RAD50: variants seen among roughly 807,000 people sequenced by gnomAD.
RAD50 encodes DNA repair protein RAD50.
A neutral mutation model predicts 168.8 loss-of-function variants in RAD50; 132 were observed. The ratio of observed to expected loss-of-function variants is 0.78; its 90% CI spans 0.68 to 0.90. RAD50 has a LOEUF of 0.90. Ranked by LOEUF, RAD50 falls within the 40% of genes least tolerant of loss-of-function variation. RAD50 has a pLI of 0.00. For synonymous variants in RAD50, 525 were observed against 497.4 expected (o/e 1.06, Z -0.74); for missense variants, 1,347 against 1,534.4 (o/e 0.88, Z 2.04).
intron 21 of RAD50, among the ~76,000 whole-genome samples, chr5:132,633,407 C>G (rs1751512765): frequency 1.3e-5 from 2 of 151,964 alleles, no homozygotes; most frequent in Admixed American, 6.6e-5. Flanking sequence ...ACCCAGCTGC[C>G]TCAGCTTTCT....
rs786203655 is a variant in RAD50, at chr5:132,588,834, T to TGA, written c.1208_1209dup (p.Gln404AspfsTer12). ...CAGATTAAAAATTTTCACAAACTTGTGAGAGAGAGACAAGAAGGGGAAGCA... is the reference window on the plus strand; with the variant it reads ...CAGATTAAAAATTTTCACAAACTTGTGAGAGAGAGAGACAAGAAGGGGAAGCA... On this transcript the variant is annotated frameshift_variant, in exon 8 of 25. Transcript: ENST00000378823. LOFTEE classifies it high-confidence loss of function. 1 of 1,613,978 alleles carries TGA rather than the reference T, an allele frequency of 6.2e-7. No homozygotes were observed. The highest frequency in any genetic ancestry group is 8.5e-7 in the Non-Finnish European group (1 of 1,179,930).
chr5:132,587,616 GAAATT>G lies in RAD50; in HGVS notation c.815_819del (p.Ile272SerfsTer4), dbSNP rs1444604511. 1.9e-6 allele frequency: 3 copies of G among 1,613,536 alleles called. No homozygotes were observed. Among genetic ancestry groups the G allele is most frequent in the Non-Finnish European group, 2.5e-6 (3 of 1,179,832 alleles). ...CTCTAAAATAATGAAACTTGACAAT[GAAATT>G]AAAGCCTTGGATAGCCGAAAGAAGC... On this transcript the variant is annotated frameshift_variant, in exon 6 of 25. Transcript: ENST00000378823. LOFTEE classifies it high-confidence loss of function.
At chr5:132,577,550 A>C (rs942602018) in intron 3 of RAD50, among the ~76,000 whole-genome samples, 5 of 152,208 alleles carry the variant, frequency 3.3e-5, no homozygotes, top group Admixed American at 6.5e-5. Context: ...TCCATGATAC[A>C]ATACTGTTCT....
At chr5:132,619,819 T>TACTC (rs1751246096) in intron 21 of RAD50, among the ~76,000 whole-genome samples, 9 of 116,388 alleles carry the variant, frequency 7.7e-5, no homozygotes, top group African/African-American at 4.2e-4. Context: ...TCTACTCCTC[T>TACTC]CTCTCTCTCT....
chr5:132,577,802 ATTTT>A lies in RAD50; in HGVS notation c.366-1492_366-1489del, dbSNP rs923754085. On this transcript the variant is annotated intron_variant, in intron 3 of 24. Coordinates refer to ENST00000378823, the MANE Select transcript of RAD50 (RefSeq NM_005732.4). ...ACCCAGACCTATTTACCCATTTCTGATTTTTTTTTTTTTTTTTTTTTTTTTTGAG... is the reference window on the plus strand; with the variant it reads ...ACCCAGACCTATTTACCCATTTCTGATTTTTTTTTTTTTTTTTTTTTTGAG... Among the ~76,000 whole-genome samples, 266 of 84,370 alleles carry A rather than the reference ATTTT, an allele frequency of 3.2e-3. 1 individual carries two copies. Among genetic ancestry groups the A allele is most frequent in the African/African-American group, 0.013 (221 of 16,910 alleles). The allele number at this position is 84,370 out of a possible 152,430, so 55.3% of individuals were successfully genotyped here.
chr5:132,643,987 T>C lies in RAD50; in HGVS notation c.*1623T>C. On this transcript the variant is annotated 3_prime_UTR_variant, in exon 25 of 25. Transcript: ENST00000378823. Reference sequence around the variant, plus strand: ...AGTTTTGCAAATAATATTTTCTTAATGTTATCTGTTGCTAAATCAAAATTA... The same window carrying C: ...AGTTTTGCAAATAATATTTTCTTAACGTTATCTGTTGCTAAATCAAAATTA... The C allele has an allele frequency of 4.4e-6, 1 of 225,474 alleles. No homozygotes were observed. 14.0% of individuals were successfully genotyped at this position (225,474 alleles called of 1,614,324 possible). A position where few individuals can be genotyped will look rare whatever the true frequency, so the allele number is the denominator to read the frequency against.
chr5:132,640,854 G>A, intron 24 of RAD50, 49 bp downstream of exon 24: 15 of 1,611,722 alleles, frequency 9.3e-6, no homozygotes, highest in Non-Finnish European at 1.3e-5. Flanking sequence ...CTCACATTTG[G>A]GGACAGGTTG....
intron 24 of RAD50, 61 bp downstream of exon 24, chr5:132,640,866 G>A: frequency 6.2e-7 from 1 of 1,609,404 alleles, no homozygotes; most frequent in Non-Finnish European, 8.5e-7. Flanking sequence ...GACAGGTTGT[G>A]ATAGTTCTTC....
intron 21 of RAD50, among the ~76,000 whole-genome samples, chr5:132,632,172 C>T (rs1028506088): frequency 7.2e-5 from 11 of 152,166 alleles, no homozygotes; most frequent in African/African-American, 2.4e-4. Flanking sequence ...TAAGCCCTTC[C>T]CAAACATATG....
intron 19 of RAD50, among the ~76,000 whole-genome samples, chr5:132,611,655 G>A (rs1041491844): frequency 2.0e-5 from 3 of 146,828 alleles, no homozygotes; most frequent in African/African-American, 7.6e-5. Context: ...GCAGTGAGCC[G>A]AGATCGCACC....
chr5:132,596,426 T>C (rs1304867564), intron 13 of RAD50, among the ~76,000 whole-genome samples: 1 of 152,238 alleles, frequency 6.6e-6, no homozygotes. Flanking sequence ...CATGCCACTT[T>C]CTGAACCCAG....
chr5:132,591,833 G>A lies in RAD50; in HGVS notation c.1636-44G>A, dbSNP rs974688605. The stretch of plus-strand genomic sequence containing the variant: ...TTATTTTTGTTCTTGATATAATGTG[G>A]AGATATAGACTTTATTTTTAAAAGA... On this transcript the variant is annotated intron_variant, in intron 10 of 24. Coordinates refer to ENST00000378823, the MANE Select transcript of RAD50 (RefSeq NM_005732.4). 7 of 1,402,204 alleles carry A rather than the reference G, an allele frequency of 5.0e-6. No homozygotes were observed. The African/African-American group carries it at 1.0e-4, about 20-fold the overall frequency. The allele number at this position is 1,402,204 out of a possible 1,614,324, so 86.9% of individuals were successfully genotyped here. A position where few individuals can be genotyped will look rare whatever the true frequency, so the allele number is the denominator to read the frequency against.
intron 2 of RAD50, 139 bp from the exon 3 acceptor site, chr5:132,575,638 G>A: frequency 2.6e-6 from 2 of 758,404 alleles, no homozygotes; most frequent in Admixed American, 2.2e-5. Context: ...ATTTTGGATA[G>A]CATGTAAAAA....
chr5:132,579,268 ATACACTGAAGGTTATTT>A (rs775925736), intron 3 of RAD50, 32 bp from the exon 4 acceptor site: 2 of 1,562,266 alleles, frequency 1.3e-6, no homozygotes, highest in Non-Finnish European at 1.8e-6. Flanking sequence ...AATAGAATAG[ATACACTGAAGGTTATTT>A]TACATATATT....
intron 2 of RAD50, among the ~76,000 whole-genome samples, chr5:132,570,362 A>T (rs1381851096): frequency 1.3e-5 from 2 of 152,224 alleles, no homozygotes; most frequent in East Asian, 3.8e-4. Flanking sequence ...CTATAGGCAT[A>T]CCTTAGATAT....
rs1750961532 is a variant in RAD50 at position 132,605,065 on chromosome 5, G to A, written c.2718+66G>A. 6.3e-6 allele frequency: 8 copies of A among 1,276,656 alleles called. No homozygotes were observed. The South Asian group carries it at 1.3e-4, about 21-fold the overall frequency. 79.1% of individuals were successfully genotyped at this position (1,276,656 alleles called of 1,614,324 possible). On this transcript the variant is annotated intron_variant, in intron 16 of 24. Transcript: ENST00000378823. The stretch of plus-strand genomic sequence containing the variant: ...TTATTTATTTTTATTTTTATTTTTT[G>A]AGACAGTCTCGTTCTGTCACCCAGG...
chr5:132,609,905 TCCTCCC>T lies in RAD50; in HGVS notation c.3036+511_3036+516del, dbSNP rs565832419. Among the ~76,000 whole-genome samples, 1,065 of 152,218 alleles carry T rather than the reference TCCTCCC, an allele frequency of 7.0e-3. 16 individuals carry two copies. The highest frequency in any genetic ancestry group is 0.023 in the African/African-American group (974 of 41,552). ...TTCGAACATAAAGGCATAAAAGTGTTCCTCCCCTTCTCCTAATTCTCAATCTTACTT... is the reference window on the plus strand; with the variant it reads ...TTCGAACATAAAGGCATAAAAGTGTTCTTCTCCTAATTCTCAATCTTACTT... On this transcript the variant is annotated intron_variant, in intron 19 of 24. Coordinates refer to ENST00000378823, the MANE Select transcript of RAD50 (RefSeq NM_005732.4).
intron 21 of RAD50, among the ~76,000 whole-genome samples, chr5:132,628,983 TTTG>T (rs1295987493): frequency 3.9e-5 from 6 of 152,292 alleles, no homozygotes; most frequent in East Asian, 1.9e-4. Context: ...GCAGGTTGGT[TTTG>T]TTTTCAATTT....
Position 132,575,776 on chromosome 5 carries a change from G to A in RAD50, c.214-1G>A, listed in dbSNP as rs776909478. ...AGTTTTTTCTGTGTTTTCCTTCAAA[G>A]GTTGCTCAAGAAACAGATGTGAGAG... is the stretch of plus-strand genomic sequence containing the variant. On this transcript the variant is annotated splice_acceptor_variant, in intron 2 of 24. Coordinates refer to ENST00000378823, the MANE Select transcript of RAD50 (RefSeq NM_005732.4). LOFTEE classifies it high-confidence loss of function. The A allele has an allele frequency of 6.3e-7, 1 of 1,588,880 alleles. No individual in the cohort carries two copies.
Sources: allele counts gnomAD v4.1 joint callset (sites outside exome capture counted in the v4.1 genomes callset), GRCh38; gene constraint gnomAD v4.1.1; transcripts MANE v1.5; gene names NCBI Gene and HGNC (gene_info 2026-07-23, HGNC 2026-07-21).